Variants in NPSR1 observed in about 807,000 individuals in gnomAD.
NPSR1 encodes neuropeptide S receptor 1, also known as neuropeptide S receptor.
Under a neutral mutation model 46.9 loss-of-function variants are expected in NPSR1, and 48 were observed. The observed-to-expected ratio is 1.02, with a 90% confidence interval of 0.81 to 1.30. The LOEUF is 1.30. NPSR1 is among the 50% of genes most tolerant of loss of function. The probability of loss-of-function intolerance (pLI) is 0.00; values close to 1 mark genes in which losing one functional copy is unlikely to be tolerated. For missense variants in NPSR1, 450 were observed against 449.5 expected (o/e 1.00, Z -0.01); for synonymous variants, 176 against 168.1 (o/e 1.05, Z -0.36).
In NPSR1 at chr7:34,844,958, A is replaced by G. The variant is rs1790693172; in HGVS notation, c.820A>G (p.Lys274Glu). Reference sequence around the variant, plus strand: ...CTCAAAGGCAAAAATCAAGGCTATCAAGTATAGCATCATCATCATTCTTGG... The same window carrying G: ...CTCAAAGGCAAAAATCAAGGCTATCGAGTATAGCATCATCATCATTCTTGG... Reference protein sequence around the residue: ...LISKAKIKAIKYSIIIILAFI... With the variant: ...LISKAKIKAIEYSIIIILAFI... The change falls in exon 7 of 9, where the codon AAG becomes GAG. Residue 274 changes from lysine (K) to glutamate (E), a missense_variant. Physicochemically the swap from Lys to Glu is moderately conservative, Grantham distance 56 (BLOSUM62 1). Transcript: ENST00000360581. 5 of 1,611,880 alleles carry G rather than the reference A, an allele frequency of 3.1e-6. No individual in the cohort carries two copies. Among genetic ancestry groups the G allele is most frequent in the Non-Finnish European group, 3.4e-6 (4 of 1,178,062 alleles).
intron 6 of NPSR1, among the ~76,000 whole-genome samples, chr7:34,837,357 T>C (rs1790411754): frequency 6.6e-6 from 1 of 152,224 alleles, no homozygotes; most frequent in African/African-American, 2.4e-5. Flanking sequence ...GCTTAGACCC[T>C]CTAAGGCCCA....
At chr7:34,716,431 T>G (rs1246924353) in intron 2 of NPSR1, among the ~76,000 whole-genome samples, 1 of 152,222 alleles carries the variant, frequency 6.6e-6, no homozygotes, top group Non-Finnish European at 1.5e-5. Context: ...GGGAGCAGGA[T>G]GAAGACACAG....
At chr7:34,842,508 C>A (rs1790603955) in intron 6 of NPSR1, among the ~76,000 whole-genome samples, 1 of 152,128 alleles carries the variant, frequency 6.6e-6, no homozygotes, top group Non-Finnish European at 1.5e-5. Flanking sequence ...CCAGGCTTTG[C>A]CAAAAGTTCC....
At chr7:34,790,739 TATATATA>T (rs1422096749) in intron 3 of NPSR1, among the ~76,000 whole-genome samples, 1 of 113,878 alleles carries the variant, frequency 8.8e-6, no homozygotes, top group African/African-American at 3.5e-5. Flanking sequence ...TGTTATATGT[TATATATA>T]ATATATGTTA....
Position 34,790,939 on chromosome 7 carries a change from A to T in NPSR1, c.384+12374A>T, listed in dbSNP as rs1286378216. On this transcript the variant is annotated intron_variant, in intron 3 of 8. Transcript: ENST00000360581. The stretch of plus-strand genomic sequence containing the variant: ...TATCATATATGTTATATGTTATATT[A>T]TATATCATATATGTTATATGTTATA... Among the ~76,000 whole-genome samples, 4 of 126,800 alleles carry T rather than the reference A, an allele frequency of 3.2e-5. No individual in the cohort carries two copies. The Admixed American group carries it at 3.2e-4, about 10-fold the overall frequency. The allele number at this position is 126,800 out of a possible 152,430, so 83.2% of individuals were successfully genotyped here. A position where few individuals can be genotyped will look rare whatever the true frequency, so the allele number is the denominator to read the frequency against.
chr7:34,750,587 T>A (rs1785468726), intron 2 of NPSR1: 2 of 689,604 alleles, frequency 2.9e-6, no homozygotes, highest in Non-Finnish European at 5.4e-6. Context: ...ATGACAGGCC[T>A]GAAGCTTTTG....
chr7:34,725,392 C>T (rs528742205), intron 2 of NPSR1, among the ~76,000 whole-genome samples: 2 of 152,336 alleles, frequency 1.3e-5, no homozygotes, highest in African/African-American at 4.8e-5. Context: ...ATCACGCTAT[C>T]TTGACAGCCA....
downstream of NPSR1, chr7:34,850,001 T>C: frequency 3.8e-6 from 4 of 1,040,712 alleles, no homozygotes; most frequent in Non-Finnish European, 4.6e-6. Flanking sequence ...GGGACAAAGG[T>C]AGCTGGGTTA....
chr7:34,708,633 G>A (rs1794227700), intron 2 of NPSR1, among the ~76,000 whole-genome samples: 1 of 152,206 alleles, frequency 6.6e-6, no homozygotes, highest in African/African-American at 2.4e-5. Context: ...TTGGGATTGG[G>A]GCACCTGGCA....
intron 2 of NPSR1, among the ~76,000 whole-genome samples, chr7:34,689,620 A>AAAAAG (rs1554306722): frequency 0.023 from 2,865 of 126,246 alleles, 169 homozygotes; most frequent in African/African-American, 0.038. Flanking sequence ...AAAAAAAAAA[A>AAAAAG]AAAAAAAAAA....
intron 2 of NPSR1, among the ~76,000 whole-genome samples, chr7:34,743,728 T>A (rs917883005): frequency 2.0e-5 from 3 of 152,340 alleles, no homozygotes; most frequent in African/African-American, 7.2e-5. Context: ...TATCTCATTA[T>A]GATCAACAAA....
chr7:34,803,648 C>A (rs1286954074), intron 3 of NPSR1, among the ~76,000 whole-genome samples: 3 of 151,288 alleles, frequency 2.0e-5, no homozygotes, highest in Non-Finnish European at 4.4e-5. Flanking sequence ...ACCACACCAG[C>A]ATGGCACACG....
At chr7:34,750,559 C>A in intron 2 of NPSR1, 1 of 696,654 alleles carries the variant, frequency 1.4e-6, no homozygotes, top group Admixed American at 1.9e-5. Context: ...GCTCCTCAAT[C>A]CCATCCAAAC....
intron 2 of NPSR1, among the ~76,000 whole-genome samples, chr7:34,707,791 T>C (rs1372378462): frequency 6.6e-6 from 1 of 152,188 alleles, no homozygotes; most frequent in Non-Finnish European, 1.5e-5. Context: ...TATAGGATGC[T>C]GTATTAGTTT....
chr7:34,715,197 C>T (rs1475071025), intron 2 of NPSR1, among the ~76,000 whole-genome samples: 2 of 152,128 alleles, frequency 1.3e-5, no homozygotes, highest in Non-Finnish European at 2.9e-5. Flanking sequence ...AAAGGCGGAG[C>T]AAGAAAAGTT....
intron 1 of NPSR1, among the ~76,000 whole-genome samples, chr7:34,659,076 G>C (rs950421635): frequency 6.6e-6 from 1 of 152,094 alleles, no homozygotes; most frequent in Non-Finnish European, 1.5e-5. Flanking sequence ...TTTCTTTGAG[G>C]GTAGTTGATG....
At chr7:34,767,198 A>G (rs1046667827) in intron 2 of NPSR1, among the ~76,000 whole-genome samples, 40 of 152,166 alleles carry the variant, frequency 2.6e-4, no homozygotes, top group African/African-American at 8.4e-4. Flanking sequence ...ACCAATGTCA[A>G]TTTCCTGGTT....
intron 2 of NPSR1, among the ~76,000 whole-genome samples, chr7:34,702,003 A>C (rs578185271): frequency 6.6e-6 from 1 of 152,324 alleles, no homozygotes; most frequent in South Asian, 2.1e-4. Context: ...ATAAGGATTT[A>C]TTTTTATCTT....
chr7:34,785,518 A>T (rs1335076366), intron 3 of NPSR1, among the ~76,000 whole-genome samples: 2 of 126,476 alleles, frequency 1.6e-5, no homozygotes, highest in African/African-American at 3.1e-5. Flanking sequence ...GTACCCTAAA[A>T]CTTAAAGTAT....
Sources: gnomAD v4.1 joint callset for allele counts (sites outside exome capture counted in the v4.1 genomes callset) on GRCh38, gnomAD v4.1.1 for gene constraint, MANE v1.5 for transcripts, NCBI Gene and HGNC (gene_info 2026-07-23, HGNC 2026-07-21) for gene names.